Variants in CDH13 observed in about 807,000 individuals in gnomAD.
The protein encoded by CDH13 is cadherin-13.
A neutral mutation model predicts 63.8 loss-of-function variants in CDH13; 24 were observed. That is an observed-to-expected ratio of 0.38 (90% confidence interval 0.27 to 0.53). CDH13 has a LOEUF of 0.53. Ranked by LOEUF, CDH13 falls within the 20% of genes least tolerant of loss-of-function variation. CDH13 has a pLI of 0.85. For missense variants in CDH13, 1,049 were observed against 903.1 expected, an observed-to-expected ratio of 1.16 and a Z score of -2.07; for synonymous variants, 503 against 355.3, an observed-to-expected ratio of 1.42 and a Z score of -4.67.
intron 3 of CDH13, among the ~76,000 whole-genome samples, chr16:83,058,015 A>T (rs2031126504): frequency 6.6e-6 from 1 of 152,252 alleles, no homozygotes. Context: ...TTGGATTATC[A>T]TGACTCACAG....
rs561684455 is a variant in CDH13 at position 83,477,827 on chromosome 16, A to G, written c.782-8650A>G. Among the ~76,000 whole-genome samples the G allele has an allele frequency of 3.9e-5, 6 of 152,200 alleles. No individual in the cohort carries two copies. The South Asian group carries it at 1.2e-3, about 32-fold the overall frequency. Reference sequence around the variant, plus strand: ...TTTGGCCTTCTAGTCCCACTGAGTGATCTTTTATTTTTTAAATTTGAACTA... The same window carrying G: ...TTTGGCCTTCTAGTCCCACTGAGTGGTCTTTTATTTTTTAAATTTGAACTA... On this transcript the variant is annotated intron_variant, in intron 6 of 13. Transcript: ENST00000567109.
intron 3 of CDH13, among the ~76,000 whole-genome samples, chr16:83,119,909 T>A (rs2035487122): frequency 6.6e-6 from 1 of 152,058 alleles, no homozygotes; most frequent in African/African-American, 2.4e-5. Context: ...GATATACACA[T>A]AAATCACAGG....
intron 1 of CDH13, among the ~76,000 whole-genome samples, chr16:82,818,769 C>A (rs547316916): frequency 6.6e-6 from 1 of 152,192 alleles, no homozygotes; most frequent in Non-Finnish European, 1.5e-5. Flanking sequence ...TAGGGCAAGT[C>A]TCTGTAAAGG....
intron 1 of CDH13, among the ~76,000 whole-genome samples, chr16:82,640,433 C>T (rs1597190561): frequency 6.6e-6 from 1 of 152,166 alleles, no homozygotes; most frequent in East Asian, 1.9e-4. Context: ...GGGTAGGTAT[C>T]CTTTTTCTGT....
chr16:82,960,843 A>G (rs1906865497), intron 2 of CDH13, among the ~76,000 whole-genome samples: 1 of 152,334 alleles, frequency 6.6e-6, no homozygotes, highest in African/African-American at 2.4e-5. Context: ...GTTAATACAA[A>G]TAAGTCTATT....
chr16:82,883,826 T>G (rs1345433712), intron 2 of CDH13, among the ~76,000 whole-genome samples: 1 of 152,304 alleles, frequency 6.6e-6, no homozygotes, highest in East Asian at 1.9e-4. Flanking sequence ...ACTCTGTGCC[T>G]GGGACAGCTT....
At chr16:82,908,052 A>G (rs1462220374) in intron 2 of CDH13, among the ~76,000 whole-genome samples, 1 of 152,104 alleles carries the variant, frequency 6.6e-6, no homozygotes, top group Non-Finnish European at 1.5e-5. Flanking sequence ...GGTAAATAAT[A>G]TATCTGTTGG....
chr16:83,059,398 G>T (rs1218183709), intron 3 of CDH13, among the ~76,000 whole-genome samples: 1 of 152,182 alleles, frequency 6.6e-6, no homozygotes, highest in Admixed American at 6.5e-5. Flanking sequence ...TTGCAGTCAT[G>T]TAAGCTTAGG....
intron 6 of CDH13, among the ~76,000 whole-genome samples, chr16:83,430,062 T>C (rs1392495408): frequency 6.6e-6 from 1 of 152,326 alleles, no homozygotes; most frequent in Admixed American, 6.5e-5. Context: ...GGACACAGTA[T>C]GGAGTTTCCT....
chr16:82,720,236 C>T (rs940681559), intron 1 of CDH13, among the ~76,000 whole-genome samples: 2 of 152,148 alleles, frequency 1.3e-5, no homozygotes, highest in Non-Finnish European at 2.9e-5. Context: ...TCAGGGGCAC[C>T]TCCTGCCACC....
chr16:83,785,538 T>G (rs1232032690), intron 13 of CDH13, among the ~76,000 whole-genome samples: 1 of 152,180 alleles, frequency 6.6e-6, no homozygotes, highest in Non-Finnish European at 1.5e-5. Context: ...AGCAACACAT[T>G]ATGCTTGTTT....
intron 5 of CDH13, among the ~76,000 whole-genome samples, chr16:83,223,269 G>A (rs2039750564): frequency 6.6e-6 from 1 of 152,186 alleles, no homozygotes; most frequent in African/African-American, 2.4e-5. Context: ...CTGGCACCTT[G>A]CACCCTCCAG....
chr16:82,749,296 A>G (rs2034312951), intron 1 of CDH13, among the ~76,000 whole-genome samples: 1 of 152,114 alleles, frequency 6.6e-6, no homozygotes, highest in South Asian at 2.1e-4. Flanking sequence ...GCACCAATAT[A>G]TTATCTGTTT....
At chr16:82,810,120 CT>C (rs2037367644) in intron 1 of CDH13, among the ~76,000 whole-genome samples, 1 of 152,176 alleles carries the variant, frequency 6.6e-6, no homozygotes, top group Non-Finnish European at 1.5e-5. Context: ...AGTAAGAAAC[CT>C]TTTCTGCTTC....
intron 1 of CDH13, among the ~76,000 whole-genome samples, chr16:82,767,349 G>C (rs1041935646): frequency 6.6e-5 from 10 of 152,026 alleles, no homozygotes; most frequent in African/African-American, 2.4e-4. Context: ...TTTCTATCTT[G>C]GATTAGTTTT....
intron 5 of CDH13, among the ~76,000 whole-genome samples, chr16:83,218,308 G>A (rs1438783884): frequency 2.6e-5 from 4 of 152,162 alleles, no homozygotes; most frequent in Non-Finnish European, 4.4e-5. Context: ...AACCCTTACT[G>A]GGCAATGCGC....
chr16:83,052,031 G>A (rs1247383883), intron 3 of CDH13, among the ~76,000 whole-genome samples: 3 of 152,044 alleles, frequency 2.0e-5, no homozygotes, highest in Admixed American at 2.0e-4. Flanking sequence ...AAGGAAAATG[G>A]TTAGATAAAT....
intron 3 of CDH13, among the ~76,000 whole-genome samples, chr16:83,112,531 G>A (rs1158635953): frequency 6.6e-6 from 1 of 152,174 alleles, no homozygotes; most frequent in Non-Finnish European, 1.5e-5. Context: ...AGAAGAAATA[G>A]CCAAAAAGGA....
At chr16:83,471,644 A>G (rs1271766133) in intron 6 of CDH13, among the ~76,000 whole-genome samples, 4 of 152,106 alleles carry the variant, frequency 2.6e-5, no homozygotes, top group Non-Finnish European at 4.4e-5. Flanking sequence ...AGGCTGCCCC[A>G]TGTGTCCAGC....
Sources: allele counts gnomAD v4.1 joint callset (sites outside exome capture counted in the v4.1 genomes callset), GRCh38; gene constraint gnomAD v4.1.1; transcripts MANE v1.5; gene names NCBI Gene and HGNC (gene_info 2026-07-23, HGNC 2026-07-21).